Variants in HAP1 observed in about 807,000 individuals in gnomAD.
HAP1 encodes the protein huntingtin-associated protein 1.
In HAP1, 59 loss-of-function variants were observed where a neutral mutation model predicts 60.3. The observed-to-expected ratio is 0.98, with a 90% CI of 0.79 to 1.22. HAP1 has a LOEUF of 1.22. Ranked by LOEUF, HAP1 falls within the 50% of genes most tolerant of loss-of-function variation. HAP1 has a pLI of 0.00. For missense variants in HAP1, 825 were observed against 785.3 expected, an observed-to-expected ratio of 1.05 and a Z score of -0.60; for synonymous variants, 346 against 330.6, an observed-to-expected ratio of 1.05 and a Z score of -0.50.
Position 41,727,113 on chromosome 17 carries a change from G to C in HAP1, c.1307C>G (p.Ala436Gly). 1 of 1,594,910 alleles carries C rather than the reference G, an allele frequency of 6.3e-7. No homozygotes were observed. The highest frequency in any genetic ancestry group is 1.1e-5 in the South Asian group (1 of 89,848). The stretch of plus-strand genomic sequence containing the variant: ...CCTTAGAGACGTTCTGAGCTCCTCA[G>C]CCAGCGTCTCCTGGAAACCAGGAAG... ...ETLPGFQETLAEELRTSLRRM... is the reference protein window; with the variant it reads ...ETLPGFQETLGEELRTSLRRM... Residue 436 changes from alanine to glycine, a missense_variant, in exon 9 of 11, where the codon GCT (alanine) becomes GGT (glycine). Coordinates refer to ENST00000347901, the MANE Select transcript of HAP1 (RefSeq NM_177977.3).
At position 41,731,730 on chromosome 17, in the gene HAP1, C is replaced by A; in HGVS notation, c.910G>T (p.Ala304Ser). ...GGGCAGTGGTGCTGGTGCAGCAATG[C>A]CTCCTGCGAAATCCTAGGGGAGGGA... ...CDAPKLISQE[A>S]LLHQHHCPQL... The change falls in exon 5 of 11, where the codon GCA becomes TCA. Residue 304 changes from alanine (A) to serine (S), a missense_variant. Transcript: ENST00000347901. 6.2e-7 allele frequency: 1 copy of A among 1,613,096 alleles called. No individual in the cohort carries two copies. Among genetic ancestry groups the A allele is most frequent in the Non-Finnish European group, 8.5e-7 (1 of 1,179,150 alleles).
At chr17:41,730,288 G>C (rs1555590463) in intron 6 of HAP1, 1 of 150,896 alleles carries the variant, frequency 6.6e-6, no homozygotes, top group Admixed American at 6.6e-5. Context: ...CCACTCCCTG[G>C]ACCATACTGA....
chr17:41,726,631 G>A (rs1555588872), intron 9 of HAP1, among the ~76,000 whole-genome samples: 1 of 151,794 alleles, frequency 6.6e-6, no homozygotes, highest in Non-Finnish European at 1.5e-5. Context: ...GGGAGGCTGA[G>A]GCGGGCAGAT....
At position 41,732,304 on chromosome 17, in the gene HAP1, G is replaced by C; in HGVS notation, c.640C>G (p.Leu214Val). 5 of 1,614,150 alleles carry C rather than the reference G, an allele frequency of 3.1e-6. No homozygotes were observed. The highest frequency in any genetic ancestry group is 1.1e-5 in the South Asian group (1 of 91,088). ...LNTAARIGQS[L>V]VKQNSVLMEE... ...ATCAAAACACTGTTCTGTTTCACCAGGGACTGGCCGATGCGAGCTGCAGTG... is the reference window on the plus strand; with the variant it reads ...ATCAAAACACTGTTCTGTTTCACCACGGACTGGCCGATGCGAGCTGCAGTG... The change falls in exon 3 of 11, where the codon CTG becomes GTG. Residue 214 changes from leucine (L) to valine (V), a missense_variant. Coordinates refer to ENST00000347901, the MANE Select transcript of HAP1 (RefSeq NM_177977.3).
intron 1 of HAP1, among the ~76,000 whole-genome samples, chr17:41,733,922 G>A (rs1912475763): frequency 6.6e-6 from 1 of 152,120 alleles, no homozygotes; most frequent in African/African-American, 2.4e-5. Flanking sequence ...CAAGAGGCGC[G>A]TGGAGGTGGG....
In HAP1 at chr17:41,734,620, C is replaced by A. The variant is rs782581863; in HGVS notation, c.15G>T (p.Arg5Ser). The A allele has an allele frequency of 1.2e-5, 19 of 1,539,488 alleles. No individual in the cohort carries two copies. The highest frequency in any genetic ancestry group is 9.6e-5 in the Admixed American group (5 of 52,150). MRPK[R>S]LGRCCAGSRL... Reference sequence around the variant, plus strand: ...GGCTCCCCGCGCAGCACCGGCCCAACCTCTTCGGGCGCATCTCGAGTCTGC... The same window carrying A: ...GGCTCCCCGCGCAGCACCGGCCCAAACTCTTCGGGCGCATCTCGAGTCTGC... The change falls in exon 1 of 11, where the codon AGG becomes AGT. Residue 5 changes from arginine (R) to serine (S), a missense_variant. Coordinates refer to ENST00000347901, the MANE Select transcript of HAP1 (RefSeq NM_177977.3).
intron 10 of HAP1, 100 bp from the exon 11 acceptor site, chr17:41,725,254 T>C: frequency 1.0e-6 from 1 of 993,842 alleles, no homozygotes; most frequent in Admixed American, 2.7e-5. Context: ...TTCCTCCTGG[T>C]TCTGTCCCAG....
chr17:41,727,629 G>C, intron 8 of HAP1, 133 bp downstream of exon 8: 1 of 662,606 alleles, frequency 1.5e-6, no homozygotes, highest in South Asian at 1.7e-5. Context: ...GCCAGGCATG[G>C]AGGGGGTGGA....
At chr17:41,734,099 G>T in intron 1 of HAP1, 67 bp downstream of exon 1, 1 of 1,335,610 alleles carries the variant, frequency 7.5e-7, no homozygotes, top group East Asian at 2.4e-5. Context: ...TGGACCCGAT[G>T]GGGCCACTTC....
rs1254063780 is a variant in HAP1 at position 41,730,308 on chromosome 17, CAT to C, written c.1069+1183_1069+1184del. ...CCCTGGACCATACTGACCCTGTCGG[CAT>C]AGTGTACTACAGCCCAGAATTCACA... On this transcript the variant is annotated intron_variant, in intron 6 of 10. Coordinates refer to ENST00000347901, the MANE Select transcript of HAP1 (RefSeq NM_177977.3). 4.0e-5 allele frequency: 6 copies of C among 151,536 alleles called. No individual in the cohort carries two copies. The Admixed American group carries it at 4.0e-4, about 10-fold the overall frequency. The allele number at this position is 151,536 out of a possible 1,614,324, so 9.4% of individuals were successfully genotyped here.
chr17:41,734,617 C>G lies in HAP1; in HGVS notation c.18G>C (p.Leu6Phe). The change falls in exon 1 of 11, where the codon TTG (leucine) becomes TTC (phenylalanine). Residue 6 changes from leucine to phenylalanine, a missense_variant. Leu to Phe is a conservative substitution (Grantham distance 22). Coordinates refer to ENST00000347901, the MANE Select transcript of HAP1 (RefSeq NM_177977.3). ...GCCGGCTCCCCGCGCAGCACCGGCCCAACCTCTTCGGGCGCATCTCGAGTC... is the reference window on the plus strand; with the variant it reads ...GCCGGCTCCCCGCGCAGCACCGGCCGAACCTCTTCGGGCGCATCTCGAGTC... MRPKR[L>F]GRCCAGSRLG... 6.5e-7 allele frequency: 1 copy of G among 1,548,242 alleles called. No homozygotes were observed.
rs181373328 is a variant in HAP1, at chr17:41,734,324, C to T, written c.311G>A (p.Trp104Ter). Residue 104 changes from tryptophan to a stop codon, truncating the protein, a stop_gained, in exon 1 of 11, where the codon TGG becomes TAG. Coordinates refer to ENST00000347901, the MANE Select transcript of HAP1 (RefSeq NM_177977.3). LOFTEE classifies it high-confidence loss of function. ...CGGCCCTTGGAATACGAAGCGGGTC[C>T]ACGGCGCGTCCGAATTGTCGGGCAT... The part of the protein sequence containing the change: ...RSMPDNSDAP[W>*]TRFVFQGPFG... 3.1e-4 allele frequency: 493 copies of T among 1,609,056 alleles called. 5 individuals are homozygous for T. The East Asian group carries it at 0.01, about 34-fold the overall frequency.
In HAP1 at chr17:41,724,631, C is replaced by G; in HGVS notation, c.*70G>C. 8.8e-7 allele frequency: 1 copy of G among 1,142,112 alleles called. No homozygotes were observed. 70.7% of individuals were successfully genotyped at this position (1,142,112 alleles called of 1,614,324 possible). ...ATGCAAATGATATGCAAAGTCCATG[C>G]AAATAAGCACAGCAGGTAGAGCCAG... On this transcript the variant is annotated 3_prime_UTR_variant, in exon 11 of 11. Coordinates refer to ENST00000347901, the MANE Select transcript of HAP1 (RefSeq NM_177977.3).
intron 7 of HAP1, 69 bp from the exon 8 acceptor site, chr17:41,727,905 C>T: frequency 1.1e-6 from 1 of 951,760 alleles, no homozygotes; most frequent in Non-Finnish European, 1.7e-6. Context: ...CTGCTTCCAG[C>T]AAGTCTTCCC....
Position 41,732,787 on chromosome 17 carries a change from T to A in HAP1, c.481A>T (p.Asn161Tyr). Residue 161 changes from asparagine to tyrosine, a missense_variant, in exon 2 of 11, where the codon AAC becomes TAC. Transcript: ENST00000347901. ...ATCTTTTTGACTGGCGGAGGTAGGTTAGGACACAGTGCTGCAGGAGGCGGC... is the reference window on the plus strand; with the variant it reads ...ATCTTTTTGACTGGCGGAGGTAGGTAAGGACACAGTGCTGCAGGAGGCGGC... ...IRELEEALCPNLPPPVKKITQ... is the reference protein window; with the variant it reads ...IRELEEALCPYLPPPVKKITQ... The A allele has an allele frequency of 2.5e-6, 4 of 1,608,332 alleles. No individual in the cohort carries two copies. The highest frequency in any genetic ancestry group is 3.4e-6 in the Non-Finnish European group (4 of 1,174,802).
At position 41,727,035 on chromosome 17, in the gene HAP1, A is replaced by T; in HGVS notation, c.1367+18T>A. 7.8e-7 allele frequency: 1 copy of T among 1,286,584 alleles called. No individual in the cohort carries two copies. Among genetic ancestry groups the T allele is most frequent in the Non-Finnish European group, 1.1e-6 (1 of 901,012 alleles). The allele number at this position is 1,286,584 out of a possible 1,614,324, so 79.7% of individuals were successfully genotyped here. A position where few individuals can be genotyped will look rare whatever the true frequency, so the allele number is the denominator to read the frequency against. ...AAGGCCATGGCCTATGGGGCAAGGG[A>T]GGGCCCCAGCCACGCACCTCTCCAT... On this transcript the variant is annotated intron_variant, in intron 9 of 10. Transcript: ENST00000347901.
At chr17:41,727,355 G>A (rs1555589159) in intron 8 of HAP1, 1 of 780,810 alleles carries the variant, frequency 1.3e-6, no homozygotes, top group Non-Finnish European at 2.4e-6. Flanking sequence ...GGGGTTGCTG[G>A]CGGAGGGTCT....
rs1555587414 is a variant in HAP1 at position 41,722,858 on chromosome 17, G to C, written c.*1843C>G. 1 of 151,952 alleles carries C rather than the reference G, an allele frequency of 6.6e-6. No homozygotes were observed. The highest frequency in any genetic ancestry group is 2.1e-4 in the South Asian group (1 of 4,786). 9.4% of individuals were successfully genotyped at this position (151,952 alleles called of 1,614,324 possible). On this transcript the variant is annotated 3_prime_UTR_variant, in exon 11 of 11. Transcript: ENST00000347901. ...TCAAGACAGAGGGGAGAGGGGCTGG[G>C]CCACGGATGGGAGCCTGGACACCCC...
chr17:41,729,522 C>T (rs1403762750), intron 6 of HAP1, among the ~76,000 whole-genome samples: 1 of 119,412 alleles, frequency 8.4e-6, no homozygotes, highest in Non-Finnish European at 1.7e-5. Context: ...TGCACTCCAG[C>T]CTGGGTTACA....
Sources: gnomAD v4.1 joint callset for allele counts (sites outside exome capture counted in the v4.1 genomes callset) on GRCh38, gnomAD v4.1.1 for gene constraint, MANE v1.5 for transcripts, NCBI Gene and HGNC (gene_info 2026-07-23, HGNC 2026-07-21) for gene names.